Variants in DYNC1I1 observed in about 807,000 individuals in gnomAD.
DYNC1I1 encodes the protein cytoplasmic dynein 1 intermediate chain 1.
DYNC1I1 carries 43 observed loss-of-function variants against 86.6 expected under a neutral mutation model. That is an observed-to-expected ratio of 0.50 (90% CI 0.39 to 0.64). The LOEUF (loss-of-function observed/expected upper bound fraction) is 0.64. DYNC1I1 is among the 30% of genes least tolerant of loss of function. DYNC1I1 has a pLI of 0.00. For synonymous variants in DYNC1I1, 262 were observed against 283.7 expected, an observed-to-expected ratio of 0.92 and a Z score of 0.77; for missense variants, 604 against 788.8, an observed-to-expected ratio of 0.77 and a Z score of 2.81.
At chr7:95,990,555 AG>A (rs2072791829) in intron 9 of DYNC1I1, among the ~76,000 whole-genome samples, 1 of 152,138 alleles carries the variant, frequency 6.6e-6, no homozygotes, top group Non-Finnish European at 1.5e-5. Flanking sequence ...AGTCTCTATA[AG>A]GTTAAGTCAG....
At chr7:95,788,045 G>A (rs1266059277) in intron 1 of DYNC1I1, among the ~76,000 whole-genome samples, 4 of 152,172 alleles carry the variant, frequency 2.6e-5, no homozygotes, top group Admixed American at 1.3e-4. Context: ...GAAAGTGATA[G>A]GGTTGTGTTG....
intron 16 of DYNC1I1, among the ~76,000 whole-genome samples, chr7:96,089,601 A>G (rs1190791881): frequency 1.3e-5 from 2 of 152,158 alleles, no homozygotes; most frequent in Non-Finnish European, 2.9e-5. Context: ...TGTGCTTTTA[A>G]AAGTGAGCAG....
intron 10 of DYNC1I1, among the ~76,000 whole-genome samples, chr7:96,017,339 G>A (rs768282481): frequency 2.0e-5 from 3 of 152,016 alleles, no homozygotes; most frequent in East Asian, 3.9e-4. Context: ...GTTTGCCTTC[G>A]CCTTGTACCA....
At position 95,808,070 on chromosome 7, in the gene DYNC1I1, GC is replaced by G. The variant is rs139680894; in HGVS notation, c.109-2321del. Among the ~76,000 whole-genome samples the G allele has an allele frequency of 4.8e-3, 736 of 152,188 alleles. 5 individuals are homozygous for G. Among genetic ancestry groups the G allele is most frequent in the African/African-American group, 0.017 (696 of 41,544 alleles). On this transcript the variant is annotated intron_variant, in intron 2 of 16. Coordinates refer to ENST00000447467, the MANE Select transcript of DYNC1I1 (RefSeq NM_001135556.2). Reference sequence around the variant, plus strand: ...GGCACGTCCCAGACATCCTTTCCAAGCATCTGGTGTTCTATTCTGCAAATTT... The same window carrying G: ...GGCACGTCCCAGACATCCTTTCCAAGATCTGGTGTTCTATTCTGCAAATTT...
intron 4 of DYNC1I1, among the ~76,000 whole-genome samples, chr7:95,825,954 G>A (rs1167692244): frequency 1.3e-5 from 2 of 152,126 alleles, no homozygotes; most frequent in African/African-American, 4.8e-5. Context: ...CTAGGGTTGG[G>A]GATCAGCTTA....
chr7:96,096,523 CA>C (rs997103967), intron 16 of DYNC1I1, among the ~76,000 whole-genome samples: 1 of 152,064 alleles, frequency 6.6e-6, no homozygotes, highest in Non-Finnish European at 1.5e-5. Flanking sequence ...TTCTCATCCT[CA>C]AATTTTTTTT....
chr7:95,892,577 C>T (rs537180414), intron 6 of DYNC1I1, among the ~76,000 whole-genome samples: 1 of 152,272 alleles, frequency 6.6e-6, no homozygotes, highest in East Asian at 1.9e-4. Flanking sequence ...TCCCAAAGTG[C>T]TGGGATTACA....
At chr7:95,807,607 A>C (rs543698929) in intron 2 of DYNC1I1, among the ~76,000 whole-genome samples, 1 of 152,170 alleles carries the variant, frequency 6.6e-6, no homozygotes, top group East Asian at 1.9e-4. Flanking sequence ...AGAGCTTAAG[A>C]TGTTCTCTTT....
At chr7:95,944,080 A>T (rs1277901304) in intron 6 of DYNC1I1, among the ~76,000 whole-genome samples, 1 of 152,266 alleles carries the variant, frequency 6.6e-6, no homozygotes, top group Admixed American at 6.5e-5. Context: ...CATCAGAGTG[A>T]ATAGGCAACC....
At chr7:96,089,263 A>T (rs1395516298) in intron 16 of DYNC1I1, among the ~76,000 whole-genome samples, 1 of 151,788 alleles carries the variant, frequency 6.6e-6, no homozygotes, top group Admixed American at 6.6e-5. Context: ...GGAAGACCAC[A>T]TCCACAGAAT....
intron 6 of DYNC1I1, among the ~76,000 whole-genome samples, chr7:95,954,909 C>T (rs1792665542): frequency 1.5e-5 from 1 of 66,968 alleles, no homozygotes; most frequent in Admixed American, 2.4e-4. Context: ...GAGCAAGACT[C>T]TGTCTCAAAA....
chr7:95,876,819 A>C (rs1473641211), intron 6 of DYNC1I1, among the ~76,000 whole-genome samples: 1 of 152,218 alleles, frequency 6.6e-6, no homozygotes, highest in Non-Finnish European at 1.5e-5. Context: ...GAGATAGAGC[A>C]CATGGGGCAT....
intron 6 of DYNC1I1, among the ~76,000 whole-genome samples, chr7:95,965,391 C>T (rs931473643): frequency 3.3e-5 from 5 of 152,300 alleles, no homozygotes; most frequent in African/African-American, 1.2e-4. Context: ...GCTTCAAAAA[C>T]TGGAGTTCAA....
At chr7:95,980,735 G>T (rs1793438450) in intron 7 of DYNC1I1, among the ~76,000 whole-genome samples, 1 of 151,576 alleles carries the variant, frequency 6.6e-6, no homozygotes, top group Non-Finnish European at 1.5e-5. Flanking sequence ...AAAAAAATCA[G>T]GTATATTTTA....
At chr7:95,795,578 C>A (rs1445152513) in intron 1 of DYNC1I1, among the ~76,000 whole-genome samples, 1 of 152,144 alleles carries the variant, frequency 6.6e-6, no homozygotes, top group Non-Finnish European at 1.5e-5. Context: ...GAGATCATGT[C>A]CTTTGCAGAA....
At chr7:95,869,100 G>A (rs1324623145) in intron 5 of DYNC1I1, among the ~76,000 whole-genome samples, 1 of 152,052 alleles carries the variant, frequency 6.6e-6, no homozygotes, top group Non-Finnish European at 1.5e-5. Flanking sequence ...ATCTCTTAAC[G>A]GAATCTCACT....
chr7:95,851,755 C>T (rs545766537), intron 5 of DYNC1I1, among the ~76,000 whole-genome samples: 7 of 152,284 alleles, frequency 4.6e-5, no homozygotes, highest in East Asian at 3.9e-4. Flanking sequence ...ACCTCTGCCT[C>T]CTGGGTTCAA....
intron 14 of DYNC1I1, among the ~76,000 whole-genome samples, chr7:96,043,486 A>G (rs1398704256): frequency 6.6e-6 from 1 of 152,006 alleles, no homozygotes; most frequent in Non-Finnish European, 1.5e-5. Context: ...AGTTTCTGCA[A>G]CAAAACCAAA....
intron 9 of DYNC1I1, among the ~76,000 whole-genome samples, chr7:95,987,617 T>C (rs1157127028): frequency 6.6e-6 from 1 of 152,178 alleles, no homozygotes; most frequent in Non-Finnish European, 1.5e-5. Context: ...CCTGTGGTCA[T>C]GCTCTCAACC....
Sources: allele counts gnomAD v4.1 joint callset (sites outside exome capture counted in the v4.1 genomes callset), GRCh38; gene constraint gnomAD v4.1.1; transcripts MANE v1.5; gene names NCBI Gene and HGNC (gene_info 2026-07-23, HGNC 2026-07-21).